SGCZ: variants seen among roughly 807,000 people sequenced by gnomAD.
The protein encoded by SGCZ is sarcoglycan zeta.
Under a neutral mutation model 41.3 loss-of-function variants are expected in SGCZ, and 40 were observed. The observed-to-expected ratio is 0.97, with a 90% CI of 0.75 to 1.26. SGCZ has a LOEUF of 1.26. Among genes scored for constraint, SGCZ ranks in the 50% most tolerant of loss-of-function variants. The pLI is 0.00. For synonymous variants in SGCZ, 206 were observed against 137.5 expected (o/e 1.50, Z -3.49); for missense variants, 552 against 369.8 (o/e 1.49, Z -4.04).
chr8:15,185,525 A>G (rs1487616873), intron 1 of SGCZ, among the ~76,000 whole-genome samples: 2 of 152,182 alleles, frequency 1.3e-5, no homozygotes, highest in African/African-American at 2.4e-5. Flanking sequence ...TATATGAGAA[A>G]TCTATTTATT....
intron 2 of SGCZ, among the ~76,000 whole-genome samples, chr8:14,326,070 C>T (rs1305913754): frequency 8.0e-6 from 1 of 125,004 alleles, no homozygotes; most frequent in Non-Finnish European, 1.6e-5. Flanking sequence ...CGAGATCGCT[C>T]CACTGAACTC....
intron 2 of SGCZ, among the ~76,000 whole-genome samples, chr8:14,483,542 G>C (rs1445097207): frequency 6.6e-6 from 1 of 152,208 alleles, no homozygotes. Flanking sequence ...CTGCATTCCA[G>C]GCTAGGCAAC....
At chr8:14,183,309 C>T (rs1804791544) in intron 4 of SGCZ, among the ~76,000 whole-genome samples, 1 of 149,774 alleles carries the variant, frequency 6.7e-6, no homozygotes, top group Admixed American at 6.7e-5. Context: ...CACACACACA[C>T]ACAGATTCTA....
intron 2 of SGCZ, among the ~76,000 whole-genome samples, chr8:14,376,706 T>G (rs1236637638): frequency 1.3e-5 from 2 of 152,134 alleles, no homozygotes; most frequent in Admixed American, 1.3e-4. Context: ...AATATCTAAT[T>G]CAGATAAAGG....
At chr8:14,512,093 C>G (rs1802483554) in intron 2 of SGCZ, among the ~76,000 whole-genome samples, 1 of 152,078 alleles carries the variant, frequency 6.6e-6, no homozygotes, top group Admixed American at 6.6e-5. Flanking sequence ...ACCATGAAAA[C>G]TAAAACTTAG....
intron 1 of SGCZ, among the ~76,000 whole-genome samples, chr8:15,020,001 T>C (rs1467645035): frequency 6.6e-6 from 1 of 151,910 alleles, no homozygotes; most frequent in African/African-American, 2.4e-5. Flanking sequence ...TAGCAAGTCA[T>C]TGTTATATAA....
At chr8:15,000,794 G>A (rs188249404) in intron 1 of SGCZ, among the ~76,000 whole-genome samples, 1 of 152,270 alleles carries the variant, frequency 6.6e-6, no homozygotes, top group Non-Finnish European at 1.5e-5. Context: ...TATAAAATCT[G>A]CTGCAGTCCG....
At chr8:14,870,624 G>T (rs975446104) in intron 1 of SGCZ, among the ~76,000 whole-genome samples, 3 of 151,732 alleles carry the variant, frequency 2.0e-5, no homozygotes, top group Non-Finnish European at 4.4e-5. Flanking sequence ...CACAGCAAAA[G>T]AAACTATCAT....
Position 14,219,887 on chromosome 8 carries a change from G to C in SGCZ, c.424+17705C>G, listed in dbSNP as rs149699923. 4.5e-4 allele frequency among the ~76,000 whole-genome samples: 68 copies of C among 152,216 alleles called. 4 individuals are homozygous for C. Among genetic ancestry groups the C allele is most frequent in the African/African-American group, 1.6e-3 (66 of 41,518 alleles). ...GGGAAAACGTTTCTACAACCAGTAG[G>C]ATGCAGAAAATGCTTTTCAAGAGTT... is the stretch of plus-strand genomic sequence containing the variant. On this transcript the variant is annotated intron_variant, in intron 4 of 7. Transcript: ENST00000382080.
At chr8:14,135,051 C>T (rs563507201) in intron 5 of SGCZ, among the ~76,000 whole-genome samples, 1 of 152,154 alleles carries the variant, frequency 6.6e-6, no homozygotes, top group South Asian at 2.1e-4. Flanking sequence ...GTCAAAATTG[C>T]TTAAAATATT....
chr8:14,684,327 G>A lies in SGCZ; in HGVS notation c.40-129401C>T, dbSNP rs1053928274. 5.9e-5 allele frequency among the ~76,000 whole-genome samples: 9 copies of A among 152,266 alleles called. No homozygotes were observed. In the East Asian group the frequency reaches 1.5e-3, roughly 26 times the overall value. On this transcript the variant is annotated intron_variant, in intron 1 of 7. Transcript: ENST00000382080. ...AAGACAATCAAGTTCTTTAGGGAAA[G>A]TGGAACCAAATCATGTATTGAAAAG...
intron 3 of SGCZ, among the ~76,000 whole-genome samples, chr8:14,260,311 G>C (rs1275129347): frequency 6.6e-6 from 1 of 151,440 alleles, no homozygotes; most frequent in South Asian, 2.1e-4. Flanking sequence ...CTTCTCAAAA[G>C]AAGACATTTA....
chr8:14,706,906 C>T (rs533633218), intron 1 of SGCZ, among the ~76,000 whole-genome samples: 3 of 151,276 alleles, frequency 2.0e-5, no homozygotes, highest in African/African-American at 7.3e-5. Flanking sequence ...ATGTAAAATA[C>T]AGCCAGAAAT....
chr8:14,458,439 T>C (rs1800810696), intron 2 of SGCZ, among the ~76,000 whole-genome samples: 1 of 152,158 alleles, frequency 6.6e-6, no homozygotes, highest in South Asian at 2.1e-4. Context: ...ACCACATGTA[T>C]ATTAGGATTA....
At chr8:15,007,484 C>T (rs1028040362) in intron 1 of SGCZ, among the ~76,000 whole-genome samples, 4 of 152,204 alleles carry the variant, frequency 2.6e-5, no homozygotes, top group African/African-American at 7.2e-5. Context: ...ATTGAAGCCA[C>T]GGTCTATGAG....
intron 2 of SGCZ, among the ~76,000 whole-genome samples, chr8:14,515,144 C>G (rs750511427): frequency 3.9e-5 from 6 of 151,966 alleles, no homozygotes; most frequent in Non-Finnish European, 7.4e-5. Flanking sequence ...TGATTCTGCT[C>G]CCTGACTGCA....
At chr8:14,935,800 T>C (rs1423228476) in intron 1 of SGCZ, among the ~76,000 whole-genome samples, 5 of 151,724 alleles carry the variant, frequency 3.3e-5, no homozygotes, top group Non-Finnish European at 5.9e-5. Flanking sequence ...GCTATTAAGA[T>C]AGACGAAAGA....
At chr8:14,135,280 C>A (rs1464616820) in intron 5 of SGCZ, among the ~76,000 whole-genome samples, 1 of 152,190 alleles carries the variant, frequency 6.6e-6, no homozygotes, top group Non-Finnish European at 1.5e-5. Flanking sequence ...AATTATTTCA[C>A]TTTTTCTCCT....
chr8:14,310,938 G>A (rs568279177), intron 3 of SGCZ, among the ~76,000 whole-genome samples: 3 of 152,086 alleles, frequency 2.0e-5, no homozygotes, highest in Admixed American at 2.0e-4. Flanking sequence ...ATCCATGTCT[G>A]TGTACCCCGT....
Sources: allele counts gnomAD v4.1 joint callset (sites outside exome capture counted in the v4.1 genomes callset), GRCh38; gene constraint gnomAD v4.1.1; transcripts MANE v1.5; gene names NCBI Gene and HGNC (gene_info 2026-07-23, HGNC 2026-07-21).